MRPS28: variants seen among roughly 807,000 people sequenced by gnomAD.
The protein encoded by MRPS28 is mitochondrial ribosomal protein S28.
Under a neutral mutation model 10.8 loss-of-function variants are expected in MRPS28, and 7 were observed. The ratio of observed to expected loss-of-function variants is 0.65; its 90% CI spans 0.37 to 1.22. The LOEUF is 1.22. Among genes scored for constraint, MRPS28 ranks in the 50% most tolerant of loss-of-function variants. The pLI is 0.02. For synonymous variants in MRPS28, 121 were observed against 93.3 expected, an observed-to-expected ratio of 1.30 and a Z score of -1.71; for missense variants, 265 against 232.9, an observed-to-expected ratio of 1.14 and a Z score of -0.90.
chr8:79,978,496 G>A (rs1006830308), intron 2 of MRPS28, among the ~76,000 whole-genome samples: 3 of 152,082 alleles, frequency 2.0e-5, no homozygotes, highest in African/African-American at 4.8e-5. Context: ...ACTAGCTCAC[G>A]ACTTTGCATA....
chr8:79,997,716 T>A (rs1808539711), intron 2 of MRPS28, among the ~76,000 whole-genome samples: 1 of 152,128 alleles, frequency 6.6e-6, no homozygotes, highest in African/African-American at 2.4e-5. Context: ...TTTTATTAGT[T>A]TGTACAATAT....
chr8:80,008,751 T>C (rs1260747360), intron 1 of MRPS28, among the ~76,000 whole-genome samples: 2 of 152,118 alleles, frequency 1.3e-5, no homozygotes, highest in Non-Finnish European at 2.9e-5. Flanking sequence ...GTTAGAATGG[T>C]GATCATTAAA....
Position 79,920,895 on chromosome 8 carries a change from T to C in MRPS28, c.396-1747A>G, listed in dbSNP as rs112458051. ...ATGTCCTGAATAGTATTGCCTAGGT[T>C]TTCTTCTAGGGTTTTTATGGTTTTA... is the stretch of plus-strand genomic sequence containing the variant. On this transcript the variant is annotated intron_variant, in intron 2 of 2. Coordinates refer to ENST00000276585, the MANE Select transcript of MRPS28 (RefSeq NM_014018.3). Among the ~76,000 whole-genome samples the C allele has an allele frequency of 6.0e-3, 913 of 152,316 alleles. 13 individuals are homozygous for C. Among genetic ancestry groups the C allele is most frequent in the African/African-American group, 0.021 (865 of 41,560 alleles).
intron 2 of MRPS28, among the ~76,000 whole-genome samples, chr8:80,000,665 TAAAAC>T (rs1042950074): frequency 1.9e-4 from 29 of 152,336 alleles, no homozygotes; most frequent in African/African-American, 6.3e-4. Flanking sequence ...ATACTACACA[TAAAAC>T]AAATTCAAAT....
chr8:80,005,373 A>T (rs1808806260), intron 1 of MRPS28, among the ~76,000 whole-genome samples: 1 of 152,192 alleles, frequency 6.6e-6, no homozygotes. Flanking sequence ...AGAATTTCAT[A>T]TCCAGCCAAA....
At chr8:80,018,635 C>T (rs184390466) in intron 1 of MRPS28, among the ~76,000 whole-genome samples, 2 of 152,292 alleles carry the variant, frequency 1.3e-5, no homozygotes, top group African/African-American at 4.8e-5. Flanking sequence ...ATCCAGCAAT[C>T]CCACTGCTGG....
At chr8:79,987,156 AC>A (rs1173598424) in intron 2 of MRPS28, among the ~76,000 whole-genome samples, 3,342 of 152,140 alleles carry the variant, frequency 0.022, 136 homozygotes, top group African/African-American at 0.076. Flanking sequence ...GACAAACCTG[AC>A]AAAAACAAGC....
intron 2 of MRPS28, among the ~76,000 whole-genome samples, chr8:79,994,363 T>C (rs1223259475): frequency 1.3e-5 from 2 of 152,152 alleles, no homozygotes; most frequent in Non-Finnish European, 2.9e-5. Flanking sequence ...ATAAAAGTGA[T>C]CTACATCCGG....
chr8:79,966,731 G>A (rs1418593197), intron 2 of MRPS28, among the ~76,000 whole-genome samples: 5 of 152,046 alleles, frequency 3.3e-5, no homozygotes, highest in Non-Finnish European at 5.9e-5. Flanking sequence ...CCTGTAGTTC[G>A]TCTGGCTTTA....
chr8:79,977,002 A>C (rs1038402246), intron 2 of MRPS28, among the ~76,000 whole-genome samples: 4 of 152,246 alleles, frequency 2.6e-5, no homozygotes, highest in African/African-American at 9.6e-5. Context: ...GTGAAAAAGT[A>C]GTAACAACCT....
At chr8:79,919,697 AGACAGTTCTTAAAACTGGT>A (rs1029753725) in intron 2 of MRPS28, among the ~76,000 whole-genome samples, 4 of 152,246 alleles carry the variant, frequency 2.6e-5, no homozygotes, top group Admixed American at 2.6e-4. Context: ...AATTCAAGCA[AGACAGTTCTTAAAACTGGT>A]GTTTGCTTTA....
At chr8:79,919,350 GA>G (rs11350200) in intron 2 of MRPS28, among the ~76,000 whole-genome samples, 85,780 of 142,654 alleles carry the variant, frequency 0.6, 25,700 homozygotes, top group East Asian at 0.8. Flanking sequence ...TTTTTGTTTT[GA>G]AAAAAAAAAA....
rs574760779 is a variant in MRPS28 at position 80,010,552 on chromosome 8, C to T, written c.214-7372G>A. ...TCCAGCTGCAGCTGCAATTCAAGTC[C>T]CCATGTTTTAATTTTTAATGTTTTA... On this transcript the variant is annotated intron_variant, in intron 1 of 2. Coordinates refer to ENST00000276585, the MANE Select transcript of MRPS28 (RefSeq NM_014018.3). 8.5e-5 allele frequency among the ~76,000 whole-genome samples: 13 copies of T among 152,220 alleles called. 1 individual carries two copies. The South Asian group carries it at 2.3e-3, about 27-fold the overall frequency.
rs541294307 is a variant in MRPS28, at chr8:80,007,246, CA to C, written c.214-4067del. Among the ~76,000 whole-genome samples the C allele has an allele frequency of 7.3e-4, 111 of 152,110 alleles. 1 individual carries two copies. The highest frequency in any genetic ancestry group is 3.2e-3 in the Admixed American group (49 of 15,260). On this transcript the variant is annotated intron_variant, in intron 1 of 2. Coordinates refer to ENST00000276585, the MANE Select transcript of MRPS28 (RefSeq NM_014018.3). ...ACCCTTCATGCTAAAAACTCTCAAG[CA>C]ATTAGGTATTGATGGCACGTATCTC...
At chr8:80,011,521 A>C (rs1809050036) in intron 1 of MRPS28, among the ~76,000 whole-genome samples, 8 of 152,080 alleles carry the variant, frequency 5.3e-5, no homozygotes, top group Admixed American at 5.2e-4. Context: ...TGGGAGGCCA[A>C]GGTGGGTGGA....
intron 2 of MRPS28, among the ~76,000 whole-genome samples, chr8:79,926,491 G>A (rs1810238508): frequency 6.6e-6 from 1 of 152,184 alleles, no homozygotes. Flanking sequence ...CAATAAATAG[G>A]AGCTTACATA....
At chr8:79,990,555 A>C (rs938779294) in intron 2 of MRPS28, among the ~76,000 whole-genome samples, 2 of 152,172 alleles carry the variant, frequency 1.3e-5, no homozygotes, top group Admixed American at 6.5e-5. Context: ...CTATCTAGCA[A>C]AGCAAATATT....
chr8:79,964,942 T>G (rs1350392145), intron 2 of MRPS28, among the ~76,000 whole-genome samples: 2 of 152,108 alleles, frequency 1.3e-5, no homozygotes, highest in African/African-American at 4.8e-5. Context: ...TCACTGTTCT[T>G]GAGTCTATGA....
intron 2 of MRPS28, among the ~76,000 whole-genome samples, chr8:79,986,757 T>G (rs1227713855): frequency 6.7e-6 from 1 of 150,366 alleles, no homozygotes; most frequent in East Asian, 1.9e-4. Flanking sequence ...TACAAACCAC[T>G]GCTCAACGAA....
Sources: allele counts gnomAD v4.1 joint callset (sites outside exome capture counted in the v4.1 genomes callset), GRCh38; gene constraint gnomAD v4.1.1; transcripts MANE v1.5; gene names NCBI Gene and HGNC (gene_info 2026-07-23, HGNC 2026-07-21).